The following CGNL1 variants were observed in gnomAD, a reference collection of about 807,000 sequenced individuals.
CGNL1 encodes the protein cingulin-like protein 1.
A neutral mutation model predicts 141.2 loss-of-function variants in CGNL1; 132 were observed. The observed-to-expected ratio is 0.93, with a 90% CI of 0.81 to 1.08. The LOEUF is 1.08. CGNL1 is among the 50% of genes least tolerant of loss of function. CGNL1 has a pLI of 0.00. For synonymous variants in CGNL1, 690 were observed against 622.1 expected (o/e 1.11, Z -1.63); for missense variants, 1,870 against 1,588.6 (o/e 1.18, Z -3.01).
In CGNL1 at chr15:57,461,698, C is replaced by G; in HGVS notation, c.2209C>G (p.Gln737Glu). 6.2e-7 allele frequency: 1 copy of G among 1,614,098 alleles called. No individual in the cohort carries two copies. The highest frequency in any genetic ancestry group is 8.5e-7 in the Non-Finnish European group (1 of 1,179,986). ...ALIEELLQAK[Q>E]DLQDLLIAKE... ...TCTCTAGGAGCTCTTACAGGCAAAA[C>G]AGGATCTTCAAGATCTGCTGATTGC... Residue 737 changes from glutamine (Q) to glutamate (E), a missense_variant, in exon 8 of 19, where the codon CAG (glutamine) becomes GAG (glutamate). Gln to Glu is a conservative substitution (Grantham distance 29, BLOSUM62 2). Coordinates refer to ENST00000281282, the MANE Select transcript of CGNL1 (RefSeq NM_032866.5).
intron 8 of CGNL1, among the ~76,000 whole-genome samples, chr15:57,489,305 C>A (rs1341965933): frequency 6.6e-6 from 1 of 152,132 alleles, no homozygotes. Flanking sequence ...GAGAAATAAT[C>A]AAGAGCATAC....
chr15:57,421,952 C>T (rs145117617), intron 1 of CGNL1, among the ~76,000 whole-genome samples: 4 of 152,144 alleles, frequency 2.6e-5, no homozygotes, highest in South Asian at 2.1e-4. Context: ...TCTCCCCTTT[C>T]GTTATTCAGT....
chr15:57,534,708 T>C (rs1181373142), intron 14 of CGNL1, among the ~76,000 whole-genome samples: 1 of 152,242 alleles, frequency 6.6e-6, no homozygotes, highest in African/African-American at 2.4e-5. Context: ...GCTGACCTTA[T>C]GACATCTCCT....
In CGNL1 at chr15:57,464,620, T is replaced by C. The variant is rs751196442; in HGVS notation, c.2403+2728T>C. 2.0e-4 allele frequency among the ~76,000 whole-genome samples: 31 copies of C among 152,020 alleles called. 1 individual carries two copies. Among genetic ancestry groups the C allele is most frequent in the Admixed American group, 7.2e-4 (11 of 15,284 alleles). ...TGGGAGGTCTTTTTGGGAACTCTAG[T>C]ATTATTCTTTGAATTTCTGTGCCTT... is the stretch of plus-strand genomic sequence containing the variant. On this transcript the variant is annotated intron_variant, in intron 8 of 18. Transcript: ENST00000281282.
At chr15:57,515,325 A>C (rs950088316) in intron 8 of CGNL1, among the ~76,000 whole-genome samples, 2 of 152,202 alleles carry the variant, frequency 1.3e-5, no homozygotes, top group Non-Finnish European at 2.9e-5. Flanking sequence ...CCATGAAAGG[A>C]TGCTCTGGTT....
At chr15:57,509,409 G>A (rs1457370923) in intron 8 of CGNL1, among the ~76,000 whole-genome samples, 1 of 152,172 alleles carries the variant, frequency 6.6e-6, no homozygotes, top group Non-Finnish European at 1.5e-5. Flanking sequence ...TGATATGTCT[G>A]TGTACTGGGT....
chr15:57,415,128 G>A (rs1664437), intron 1 of CGNL1, among the ~76,000 whole-genome samples: 14 of 152,210 alleles, frequency 9.2e-5, no homozygotes, highest in African/African-American at 3.4e-4. Context: ...TCTCAGCTTC[G>A]GTCTGAACAT....
chr15:57,448,097 A>G (rs1242578669), intron 4 of CGNL1, among the ~76,000 whole-genome samples: 3 of 151,306 alleles, frequency 2.0e-5, no homozygotes, highest in African/African-American at 7.3e-5. Flanking sequence ...GTTTGAGGCC[A>G]GGAGTTTGAG....
chr15:57,518,180 A>G (rs528131137), intron 9 of CGNL1, among the ~76,000 whole-genome samples: 2 of 152,204 alleles, frequency 1.3e-5, no homozygotes, highest in South Asian at 2.1e-4. Context: ...GATAATGTGG[A>G]TGTTCACACC....
chr15:57,418,537 A>T (rs1014030526), intron 1 of CGNL1, among the ~76,000 whole-genome samples: 27 of 152,128 alleles, frequency 1.8e-4, no homozygotes, highest in Non-Finnish European at 3.1e-4. Flanking sequence ...TTCCTTCTGT[A>T]AGATGGCAGT....
intron 12 of CGNL1, chr15:57,527,607 G>A (rs2031692771): frequency 6.6e-6 from 1 of 152,276 alleles, no homozygotes; most frequent in South Asian, 2.1e-4. Context: ...AGCTTCTAGA[G>A]AAGTTCAAGA....
Position 57,547,526 on chromosome 15 carries a change from T to C in CGNL1, c.*36T>C, listed in dbSNP as rs529860605. 2 of 1,598,164 alleles carry C rather than the reference T, an allele frequency of 1.3e-6. No individual in the cohort carries two copies. Among genetic ancestry groups the C allele is most frequent in the East Asian group, 2.2e-5 (1 of 44,612 alleles). ...GGGCTGTGGAAGTACCTGTCATTCCTGCAGGAGCTGCAGCCACCCAAAGTG... is the reference window on the plus strand; with the variant it reads ...GGGCTGTGGAAGTACCTGTCATTCCCGCAGGAGCTGCAGCCACCCAAAGTG... On this transcript the variant is annotated 3_prime_UTR_variant, in exon 19 of 19. Transcript: ENST00000281282.
rs59213732 is a variant in CGNL1, at chr15:57,383,292, C to CTTTTTTTTTTTTTTTTT, written c.-16+6738_-16+6739insTTTTTTTTTTTTTTTTT. 3.4e-4 allele frequency among the ~76,000 whole-genome samples: 37 copies of CTTTTTTTTTTTTTTTTT among 109,586 alleles called. 1 individual carries two copies. The highest frequency in any genetic ancestry group is 8.7e-4 in the African/African-American group (24 of 27,438). The allele number at this position is 109,586 out of a possible 152,430, so 71.9% of individuals were successfully genotyped here. ...TAACAAACTTAAGATTTCTTTCTTC[C>CTTTTTTTTTTTTTTTTT]TTTTTTTTTTTTTGTTTTTTTGATA... On this transcript the variant is annotated intron_variant, in intron 1 of 18. Coordinates refer to ENST00000281282, the MANE Select transcript of CGNL1 (RefSeq NM_032866.5).
intron 1 of CGNL1, among the ~76,000 whole-genome samples, chr15:57,392,682 G>A (rs1157205686): frequency 6.6e-6 from 1 of 152,138 alleles, no homozygotes; most frequent in African/African-American, 2.4e-5. Flanking sequence ...TATTGTCCCA[G>A]GATCTGGATA....
At chr15:57,427,898 T>C (rs1403922581) in intron 1 of CGNL1, among the ~76,000 whole-genome samples, 1 of 152,108 alleles carries the variant, frequency 6.6e-6, no homozygotes, top group African/African-American at 2.4e-5. Flanking sequence ...GATCTGGTTC[T>C]CATGTTTTAA....
At chr15:57,490,962 T>G (rs2063852933) in intron 8 of CGNL1, among the ~76,000 whole-genome samples, 1 of 152,056 alleles carries the variant, frequency 6.6e-6, no homozygotes, top group Admixed American at 6.5e-5. Context: ...GCAGTACTCC[T>G]CAAACTGTTA....
At chr15:57,378,363 G>GTTTTTTTTTTTTTTTTTTTTTT (rs71116514) in intron 1 of CGNL1, among the ~76,000 whole-genome samples, 1 of 33,938 alleles carries the variant, frequency 2.9e-5, no homozygotes, top group Non-Finnish European at 5.5e-5. Flanking sequence ...CCCTCTATGT[G>GTTTTTTTTTTTTTTTTTTTTTT]TTTTTTTTTT....
At chr15:57,412,262 G>T (rs576286785) in intron 1 of CGNL1, among the ~76,000 whole-genome samples, 1 of 152,350 alleles carries the variant, frequency 6.6e-6, no homozygotes, top group South Asian at 2.1e-4. Context: ...GTAGACAGAG[G>T]CAGCTTCACT....
intron 4 of CGNL1, 43 bp from the exon 5 acceptor site, chr15:57,451,457 A>G: frequency 7.3e-7 from 1 of 1,367,952 alleles, no homozygotes; most frequent in African/African-American, 1.4e-5. Flanking sequence ...AAAATAAAGC[A>G]CCCTGAACAT....
Sources: gnomAD v4.1 joint callset for allele counts (sites outside exome capture counted in the v4.1 genomes callset) on GRCh38, gnomAD v4.1.1 for gene constraint, MANE v1.5 for transcripts, NCBI Gene and HGNC (gene_info 2026-07-23, HGNC 2026-07-21) for gene names.